Variants in PARD3 observed in about 807,000 individuals in gnomAD.
PARD3 encodes partitioning defective 3 homolog.
Under a neutral mutation model 155.4 loss-of-function variants are expected in PARD3, and 75 were observed. The ratio of observed to expected loss-of-function variants is 0.48; its 90% CI spans 0.40 to 0.58. PARD3 has a LOEUF of 0.58. Among genes scored for constraint, PARD3 ranks in the 20% least tolerant of loss-of-function variants. The pLI is 0.00. For missense variants in PARD3, 1,642 were observed against 1,721.7 expected, an observed-to-expected ratio of 0.95 and a Z score of 0.82; for synonymous variants, 576 against 610.5, an observed-to-expected ratio of 0.94 and a Z score of 0.83.
At chr10:34,208,109 G>A (rs1038862391) in intron 22 of PARD3, among the ~76,000 whole-genome samples, 2 of 152,154 alleles carry the variant, frequency 1.3e-5, no homozygotes. Context: ...CACATCAGCA[G>A]AATTGCATTT....
chr10:34,511,569 C>A (rs74132039), intron 3 of PARD3, among the ~76,000 whole-genome samples: 4,585 of 152,092 alleles, frequency 0.03, 228 homozygotes, highest in African/African-American at 0.1. Flanking sequence ...ACAGAGTAAC[C>A]CCAGTACTTC....
chr10:34,524,029 T>C (rs191156147), intron 2 of PARD3, among the ~76,000 whole-genome samples: 1 of 152,276 alleles, frequency 6.6e-6, no homozygotes. Flanking sequence ...AAGATTTCAT[T>C]TACACTTGTC....
intron 22 of PARD3, among the ~76,000 whole-genome samples, chr10:34,241,359 C>T (rs1953580718): frequency 6.6e-6 from 1 of 152,048 alleles, no homozygotes; most frequent in African/African-American, 2.4e-5. Context: ...GCAAGGAGGC[C>T]AGCGTGGCTG....
intron 1 of PARD3, among the ~76,000 whole-genome samples, chr10:34,719,407 C>T (rs2094569974): frequency 6.6e-6 from 1 of 152,022 alleles, no homozygotes; most frequent in Admixed American, 6.6e-5. Context: ...AAGTTAAATC[C>T]CTTCTCATCC....
At chr10:34,388,772 G>T (rs937455396) in intron 7 of PARD3, among the ~76,000 whole-genome samples, 1 of 152,122 alleles carries the variant, frequency 6.6e-6, no homozygotes, top group African/African-American at 2.4e-5. Flanking sequence ...ATCCTAAGAA[G>T]AAACCACTTT....
At chr10:34,723,542 C>T (rs2094643849) in intron 1 of PARD3, among the ~76,000 whole-genome samples, 1 of 152,182 alleles carries the variant, frequency 6.6e-6, no homozygotes, top group Non-Finnish European at 1.5e-5. Flanking sequence ...AGATCATAAA[C>T]TTCTTTGAGC....
intron 24 of PARD3, among the ~76,000 whole-genome samples, chr10:34,112,276 C>T (rs117215635): frequency 4.6e-5 from 7 of 152,318 alleles, no homozygotes; most frequent in Non-Finnish European, 8.8e-5. Flanking sequence ...GGGTGACCTA[C>T]TTAACTTGCT....
chr10:34,805,542 CATAT>C lies in PARD3; in HGVS notation c.120+9330_120+9333del, dbSNP rs58820083. Among the ~76,000 whole-genome samples the C allele has an allele frequency of 5.7e-3, 807 of 140,758 alleles. 13 individuals are homozygous for C. Among genetic ancestry groups the C allele is most frequent in the African/African-American group, 0.017 (682 of 39,326 alleles). 92.3% of individuals were successfully genotyped at this position (140,758 alleles called of 152,430 possible). On this transcript the variant is annotated intron_variant, in intron 1 of 24. Transcript: ENST00000374788. ...CACCCCAGAAATACACACGTATGTG[CATAT>C]ATATATATATATATATATATACACC...
chr10:34,385,431 T>G (rs1056369260), intron 7 of PARD3, among the ~76,000 whole-genome samples: 2 of 152,160 alleles, frequency 1.3e-5, no homozygotes, highest in Non-Finnish European at 2.9e-5. Context: ...CCACTGTTAA[T>G]TACTTGATGG....
At chr10:34,739,671 G>A (rs530623061) in intron 1 of PARD3, among the ~76,000 whole-genome samples, 6 of 152,256 alleles carry the variant, frequency 3.9e-5, no homozygotes, top group African/African-American at 1.4e-4. Flanking sequence ...TGGTGCTTTG[G>A]AATGTTCTAG....
At chr10:34,700,118 G>C (rs1263704842) in intron 1 of PARD3, among the ~76,000 whole-genome samples, 1 of 152,128 alleles carries the variant, frequency 6.6e-6, no homozygotes, top group African/African-American at 2.4e-5. Flanking sequence ...ACGAGGGGCA[G>C]AGTTCATCCA....
intron 2 of PARD3, among the ~76,000 whole-genome samples, chr10:34,616,570 A>G (rs541111423): frequency 6.6e-6 from 1 of 152,322 alleles, no homozygotes; most frequent in East Asian, 1.9e-4. Context: ...ACCCTGGAGG[A>G]CGTTATGTGA....
In PARD3 at chr10:34,735,707, T is replaced by C. The variant is rs1257943087; in HGVS notation, c.121-39288A>G. Among the ~76,000 whole-genome samples the C allele has an allele frequency of 2.0e-5, 3 of 152,216 alleles. No individual in the cohort carries two copies. In the East Asian group the frequency reaches 5.8e-4, roughly 29 times the overall value. ...AAGATTCTCATCAGGCCCTTTGCAG[T>C]ATAAAAGGAAAAAAAATTTGAAACA... On this transcript the variant is annotated intron_variant, in intron 1 of 24. Coordinates refer to ENST00000374788, the MANE Select transcript of PARD3 (RefSeq NM_001184785.2).
At chr10:34,381,310 A>G (rs374530144) in intron 9 of PARD3, among the ~76,000 whole-genome samples, 2 of 152,222 alleles carry the variant, frequency 1.3e-5, no homozygotes, top group East Asian at 3.8e-4. Flanking sequence ...TTTCCATCCA[A>G]CTATAAGAGT....
chr10:34,661,000 C>G lies in PARD3; in HGVS notation c.222+35318G>C, dbSNP rs145538191. Among the ~76,000 whole-genome samples, 369 of 151,952 alleles carry G rather than the reference C, an allele frequency of 2.4e-3. 9 individuals are homozygous for G. Among genetic ancestry groups the G allele is most frequent in the Admixed American group, 0.023 (347 of 15,264 alleles). On this transcript the variant is annotated intron_variant, in intron 2 of 24. Coordinates refer to ENST00000374788, the MANE Select transcript of PARD3 (RefSeq NM_001184785.2). ...GAAATAGTAATGTAAATAAATGTTA[C>G]TTTTTTAAAAATAGAATTGACAACA...
At chr10:34,388,663 A>C (rs544298074) in intron 7 of PARD3, among the ~76,000 whole-genome samples, 95 of 152,356 alleles carry the variant, frequency 6.2e-4, no homozygotes, top group African/African-American at 2.2e-3. Flanking sequence ...AAAGCAAATG[A>C]AGTTCTAAAC....
intron 22 of PARD3, among the ~76,000 whole-genome samples, chr10:34,195,423 T>TACAC (rs58340357): frequency 9.3e-5 from 14 of 151,090 alleles, no homozygotes; most frequent in East Asian, 3.9e-4. Context: ...CTGCTACAAA[T>TACAC]ACACACACAC....
Position 34,247,793 on chromosome 10 carries a change from G to T in PARD3, c.3419+21864C>A, listed in dbSNP as rs1021958326. On this transcript the variant is annotated intron_variant, in intron 22 of 24. Transcript: ENST00000374788. ...TGGTGGTATTCTGACTCAGAATGGT[G>T]TATACATTGGACCTTTTGTTAATAA... Among the ~76,000 whole-genome samples, 3 of 152,174 alleles carry T rather than the reference G, an allele frequency of 2.0e-5. No individual in the cohort carries two copies. In the East Asian group the frequency reaches 5.8e-4, roughly 29 times the overall value.
At chr10:34,730,108 T>C (rs1268329782) in intron 1 of PARD3, among the ~76,000 whole-genome samples, 1 of 152,210 alleles carries the variant, frequency 6.6e-6, no homozygotes, top group East Asian at 1.9e-4. Flanking sequence ...TCACCTAAAA[T>C]ATTTTATAAA....
Sources: gnomAD v4.1 joint callset for allele counts (sites outside exome capture counted in the v4.1 genomes callset) on GRCh38, gnomAD v4.1.1 for gene constraint, MANE v1.5 for transcripts, NCBI Gene and HGNC (gene_info 2026-07-23, HGNC 2026-07-21) for gene names.